The following RAB11FIP4 variants were observed in gnomAD, a reference collection of about 807,000 sequenced individuals.
RAB11FIP4 encodes the protein rab11 family-interacting protein 4.
A neutral mutation model predicts 74.3 loss-of-function variants in RAB11FIP4; 23 were observed. The ratio of observed to expected loss-of-function variants is 0.31; its 90% CI spans 0.22 to 0.44. The LOEUF is 0.44. Ranked by LOEUF, RAB11FIP4 falls within the 20% of genes least tolerant of loss-of-function variation. The probability of loss-of-function intolerance (pLI) is 1.00; values close to 1 mark genes in which losing one functional copy is unlikely to be tolerated. For missense variants in RAB11FIP4, 630 were observed against 863.9 expected (o/e 0.73, Z 3.39); for synonymous variants, 360 against 359.9 (o/e 1.00, Z 0.00).
chr17:31,501,583 C>T (rs2072221909), intron 3 of RAB11FIP4, among the ~76,000 whole-genome samples: 1 of 152,128 alleles, frequency 6.6e-6, no homozygotes, highest in African/African-American at 2.4e-5. Flanking sequence ...GGATGGAGTG[C>T]AGTGGCGCGA....
intron 3 of RAB11FIP4, among the ~76,000 whole-genome samples, chr17:31,459,118 T>C (rs972934244): frequency 6.6e-6 from 1 of 152,146 alleles, no homozygotes; most frequent in Non-Finnish European, 1.5e-5. Flanking sequence ...TTTCTGCCTC[T>C]AGTCTGTTCC....
chr17:31,523,991 G>A lies in RAB11FIP4; in HGVS notation c.1128G>A (p.Val376=), dbSNP rs1280179954. ...TGAAGCAAGAGAACACACAGCTGGT[G>A]CACAGGTCAAGCAGGCAGCGGCGCT... ...SKLKQENTQL[V]HRVHELEEMV... Residue 376 remains valine (V), a synonymous_variant, in exon 9 of 15, where the codon GTG becomes GTA. Coordinates refer to ENST00000621161, the MANE Select transcript of RAB11FIP4 (RefSeq NM_032932.6). 4 of 1,609,810 alleles carry A rather than the reference G, an allele frequency of 2.5e-6. No homozygotes were observed. Among genetic ancestry groups the A allele is most frequent in the East Asian group, 2.2e-5 (1 of 44,808 alleles).
intron 11 of RAB11FIP4, 46 bp downstream of exon 11, chr17:31,527,969 A>C: frequency 6.9e-7 from 1 of 1,447,418 alleles, no homozygotes; most frequent in Middle Eastern, 2.2e-4. Flanking sequence ...GGCCATCGGG[A>C]GCCTTTAGTT....
At chr17:31,523,427 T>C in intron 7 of RAB11FIP4, 85 bp from the exon 8 acceptor site, 2 of 1,085,244 alleles carry the variant, frequency 1.8e-6, no homozygotes, top group Non-Finnish European at 1.4e-6. Context: ...CCTGGGGTAC[T>C]GGATGCTCGC....
chr17:31,438,759 T>A (rs1250803539), intron 3 of RAB11FIP4, among the ~76,000 whole-genome samples: 1 of 152,138 alleles, frequency 6.6e-6, no homozygotes, highest in African/African-American at 2.4e-5. Flanking sequence ...AGTGTTATCT[T>A]TCTCCTAGGA....
intron 3 of RAB11FIP4, among the ~76,000 whole-genome samples, chr17:31,447,802 C>T (rs2071482083): frequency 6.6e-6 from 1 of 152,180 alleles, no homozygotes. Flanking sequence ...GGATTACAGG[C>T]ACAAGCCACC....
chr17:31,486,191 G>A (rs375341380), intron 3 of RAB11FIP4, among the ~76,000 whole-genome samples: 2 of 151,616 alleles, frequency 1.3e-5, no homozygotes, highest in Admixed American at 6.6e-5. Flanking sequence ...CCAAGCTCAC[G>A]CCACTGCACT....
At chr17:31,531,387 A>G (rs2072869327) in intron 14 of RAB11FIP4, among the ~76,000 whole-genome samples, 1 of 152,126 alleles carries the variant, frequency 6.6e-6, no homozygotes, top group Non-Finnish European at 1.5e-5. Flanking sequence ...TCACATTGGA[A>G]TCTCTGGGGG....
chr17:31,391,763 C>CCA lies in RAB11FIP4; in HGVS notation c.-90_-89insCA. 1 of 925,802 alleles carries CCA rather than the reference C, an allele frequency of 1.1e-6. No individual in the cohort carries two copies. Among genetic ancestry groups the CCA allele is most frequent in the South Asian group, 4.8e-5 (1 of 20,950 alleles). 57.3% of individuals were successfully genotyped at this position (925,802 alleles called of 1,614,324 possible). A position where few individuals can be genotyped will look rare whatever the true frequency, so the allele number is the denominator to read the frequency against. On this transcript the variant is annotated 5_prime_UTR_variant, in exon 1 of 15. Coordinates refer to ENST00000621161, the MANE Select transcript of RAB11FIP4 (RefSeq NM_032932.6). ...GCTGCGCGGCGCAGACCCAGACGGG[C>CCA]GGCCCCGGAGGGCGCGCGGCGATGG...
In RAB11FIP4 at chr17:31,485,146, ATTTCCATTTTC is replaced by A. The variant is rs1407171043; in HGVS notation, c.337-32503_337-32493del. ...TCACAACTGCAAGAGGAAATGTCTT[ATTTCCATTTTC>A]TAGAGGTAGAGACTGAGGCTCCAAA... On this transcript the variant is annotated intron_variant, in intron 3 of 14. Coordinates refer to ENST00000621161, the MANE Select transcript of RAB11FIP4 (RefSeq NM_032932.6). Among the ~76,000 whole-genome samples, 7 of 152,338 alleles carry A rather than the reference ATTTCCATTTTC, an allele frequency of 4.6e-5. No individual in the cohort carries two copies. In the East Asian group the frequency reaches 1.3e-3, roughly 29 times the overall value.
At chr17:31,510,936 A>G (rs976491964) in intron 3 of RAB11FIP4, among the ~76,000 whole-genome samples, 4 of 152,150 alleles carry the variant, frequency 2.6e-5, no homozygotes, top group African/African-American at 9.7e-5. Context: ...TGGGAGGATC[A>G]CTTGAGTCCT....
chr17:31,438,677 T>C (rs1164955511), intron 3 of RAB11FIP4, among the ~76,000 whole-genome samples: 2 of 152,148 alleles, frequency 1.3e-5, no homozygotes. Context: ...CCATGGTGCA[T>C]CTCACACCTA....
intron 3 of RAB11FIP4, among the ~76,000 whole-genome samples, chr17:31,468,414 G>C (rs892021074): frequency 6.6e-6 from 1 of 152,168 alleles, no homozygotes; most frequent in East Asian, 1.9e-4. Flanking sequence ...CCTTGCGCAG[G>C]TTATTTAATC....
chr17:31,405,249 T>C (rs932182023), intron 1 of RAB11FIP4, among the ~76,000 whole-genome samples: 2 of 152,134 alleles, frequency 1.3e-5, no homozygotes, highest in Admixed American at 6.5e-5. Flanking sequence ...TCCTCCATGA[T>C]TCCCACCTCC....
At chr17:31,445,584 T>A (rs1471369716) in intron 3 of RAB11FIP4, among the ~76,000 whole-genome samples, 349 of 25,820 alleles carry the variant, frequency 0.014, 3 homozygotes, top group East Asian at 0.033. Flanking sequence ...ATATATTTTT[T>A]TTTTTTTTTT....
intron 1 of RAB11FIP4, among the ~76,000 whole-genome samples, chr17:31,406,163 G>A (rs1339309489): frequency 6.6e-6 from 1 of 152,238 alleles, no homozygotes; most frequent in African/African-American, 2.4e-5. Flanking sequence ...GCGGAAGGGG[G>A]GTTGTCTGGA....
chr17:31,509,026 C>T (rs960880135), intron 3 of RAB11FIP4: 1 of 152,632 alleles, frequency 6.6e-6, no homozygotes, highest in Non-Finnish European at 1.5e-5. Context: ...ATGTAAATGT[C>T]ATGAGTTCTG....
At chr17:31,528,809 G>A (rs1222160170) in intron 13 of RAB11FIP4, 31 bp downstream of exon 13, 1 of 1,588,170 alleles carries the variant, frequency 6.3e-7, no homozygotes, top group Non-Finnish European at 8.6e-7. Flanking sequence ...GTCCAGTGGG[G>A]CAGGGTGGCC....
intron 3 of RAB11FIP4, among the ~76,000 whole-genome samples, chr17:31,455,259 G>T (rs534999602): frequency 6.6e-6 from 1 of 152,240 alleles, no homozygotes; most frequent in Non-Finnish European, 1.5e-5. Context: ...GGCTCCTAAG[G>T]GCAGTATATT....
Sources: allele counts gnomAD v4.1 joint callset (sites outside exome capture counted in the v4.1 genomes callset), GRCh38; gene constraint gnomAD v4.1.1; transcripts MANE v1.5; gene names NCBI Gene and HGNC (gene_info 2026-07-23, HGNC 2026-07-21).